The following ACVR1C variants were observed in gnomAD, a reference collection of about 807,000 sequenced individuals.
The protein encoded by ACVR1C is activin receptor type-1C.
Under a neutral mutation model 57.9 loss-of-function variants are expected in ACVR1C, and 23 were observed. The ratio of observed to expected loss-of-function variants is 0.40; its 90% confidence interval spans 0.29 to 0.56. ACVR1C has a LOEUF of 0.56. ACVR1C is among the 20% of genes least tolerant of loss of function. The pLI is 0.50. For synonymous variants in ACVR1C, 214 were observed against 215.3 expected (o/e 0.99, Z 0.05); for missense variants, 480 against 607.9 (o/e 0.79, Z 2.21).
At chr2:157,581,864 A>G (rs140188360) in intron 2 of ACVR1C, among the ~76,000 whole-genome samples, 1 of 152,222 alleles carries the variant, frequency 6.6e-6, no homozygotes, top group Non-Finnish European at 1.5e-5. Flanking sequence ...GTACATTTCT[A>G]TATTTCCTGT....
intron 1 of ACVR1C, among the ~76,000 whole-genome samples, chr2:157,617,362 G>A (rs1048715165): frequency 3.3e-5 from 5 of 152,022 alleles, no homozygotes; most frequent in African/African-American, 1.2e-4. Flanking sequence ...CTCTCAGTAA[G>A]AAATATAGAT....
At chr2:157,592,658 T>A (rs759274381) in intron 1 of ACVR1C, among the ~76,000 whole-genome samples, 1 of 152,096 alleles carries the variant, frequency 6.6e-6, no homozygotes, top group Non-Finnish European at 1.5e-5. Flanking sequence ...ACCAGTCCAC[T>A]ATATCACTGC....
At position 157,554,205 on chromosome 2, in the gene ACVR1C, A is replaced by AG. The variant is rs1558974811; in HGVS notation, c.544+1887_544+1888insC. Among the ~76,000 whole-genome samples the AG allele has an allele frequency of 9.3e-4, 64 of 68,730 alleles. 2 individuals are homozygous for AG. The highest frequency in any genetic ancestry group is 5.6e-3 in the Middle Eastern group (1 of 180). 45.1% of individuals were successfully genotyped at this position (68,730 alleles called of 152,430 possible). A position where few individuals can be genotyped will look rare whatever the true frequency, so the allele number is the denominator to read the frequency against. On this transcript the variant is annotated intron_variant, in intron 3 of 8. Transcript: ENST00000243349. ...AAAAAAAAAAAATAAAGAAGAGAGA[A>AG]AGAAAGAAAGAAAGAAAGAAAGAAA... is the stretch of plus-strand genomic sequence containing the variant.
At chr2:157,600,045 T>C (rs758722762) in intron 1 of ACVR1C, among the ~76,000 whole-genome samples, 20 of 152,316 alleles carry the variant, frequency 1.3e-4, no homozygotes, top group South Asian at 4.1e-4. Context: ...GCAGAAGGCA[T>C]CAATGGCCAC....
At chr2:157,534,177 T>C in intron 8 of ACVR1C, 134 bp from the exon 9 acceptor site, 1 of 742,032 alleles carries the variant, frequency 1.3e-6, no homozygotes, top group Non-Finnish European at 1.9e-6. Flanking sequence ...TCTTGCTATG[T>C]TCCCCAGGCT....
At chr2:157,588,257 AC>A (rs1162059667) in intron 1 of ACVR1C, among the ~76,000 whole-genome samples, 81 of 151,976 alleles carry the variant, frequency 5.3e-4, no homozygotes, top group African/African-American at 1.9e-3. Context: ...ACACACACAC[AC>A]ACACACACAA....
Position 157,533,779 on chromosome 2 carries a change from A to T in ACVR1C, c.*139T>A. On this transcript the variant is annotated 3_prime_UTR_variant, in exon 9 of 9. Coordinates refer to ENST00000243349, the MANE Select transcript of ACVR1C (RefSeq NM_145259.3). ...TGCTTAACTTTAGAGTTATCTTTTC[A>T]TGCTGCCTTATGGGCACTTAAATAC... The T allele has an allele frequency of 1.4e-6, 1 of 723,206 alleles. No homozygotes were observed. Among genetic ancestry groups the T allele is most frequent in the Non-Finnish European group, 1.9e-6 (1 of 512,938 alleles). 44.8% of individuals were successfully genotyped at this position (723,206 alleles called of 1,614,324 possible). A position where few individuals can be genotyped will look rare whatever the true frequency, so the allele number is the denominator to read the frequency against.
intron 1 of ACVR1C, chr2:157,597,356 T>C (rs1682153748): frequency 1.0e-6 from 1 of 985,480 alleles, no homozygotes; most frequent in South Asian, 4.7e-5. Context: ...GGAGCTCCCC[T>C]TGCCTGGACT....
intron 1 of ACVR1C, among the ~76,000 whole-genome samples, chr2:157,603,662 C>G (rs973174861): frequency 6.6e-6 from 1 of 152,070 alleles, no homozygotes; most frequent in African/African-American, 2.4e-5. Context: ...TCCCTGACTG[C>G]AATTTCCTTT....
intron 2 of ACVR1C, among the ~76,000 whole-genome samples, chr2:157,562,548 A>G (rs1688267235): frequency 6.6e-6 from 1 of 151,600 alleles, no homozygotes; most frequent in African/African-American, 2.4e-5. Flanking sequence ...ACGTACAGAG[A>G]GGAGCTGGTA....
At chr2:157,618,320 G>T (rs1308789840) in intron 1 of ACVR1C, among the ~76,000 whole-genome samples, 3 of 151,462 alleles carry the variant, frequency 2.0e-5, no homozygotes, top group African/African-American at 7.3e-5. Flanking sequence ...GCATAGCTTA[G>T]AAACTAATAG....
At chr2:157,549,411 C>G (rs1419905106) in intron 4 of ACVR1C, among the ~76,000 whole-genome samples, 2 of 152,084 alleles carry the variant, frequency 1.3e-5, no homozygotes, top group Non-Finnish European at 2.9e-5. Context: ...GCCCTAGACA[C>G]CCTGATGCCT....
At chr2:157,600,887 G>A (rs1414206863) in intron 1 of ACVR1C, among the ~76,000 whole-genome samples, 4 of 152,126 alleles carry the variant, frequency 2.6e-5, no homozygotes, top group African/African-American at 9.7e-5. Flanking sequence ...CATAAAAAGG[G>A]CGCATCACCT....
chr2:157,580,955 G>GA (rs1212898643), intron 2 of ACVR1C, among the ~76,000 whole-genome samples: 5 of 151,990 alleles, frequency 3.3e-5, no homozygotes, highest in African/African-American at 1.2e-4. Context: ...GGGTAAAGCA[G>GA]AAAAAAGACA....
intron 1 of ACVR1C, among the ~76,000 whole-genome samples, chr2:157,626,841 A>G (rs999337872): frequency 1.3e-5 from 2 of 152,244 alleles, no homozygotes; most frequent in African/African-American, 4.8e-5. Flanking sequence ...GTTTTTCATA[A>G]AAGTTCAGCT....
chr2:157,625,828 G>A (rs182091256), intron 1 of ACVR1C, among the ~76,000 whole-genome samples: 250 of 152,262 alleles, frequency 1.6e-3, no homozygotes, highest in Non-Finnish European at 2.7e-3. Flanking sequence ...CTTCAAAGTA[G>A]AGAACTCCAG....
intron 1 of ACVR1C, among the ~76,000 whole-genome samples, chr2:157,621,900 A>G (rs1160864260): frequency 6.6e-6 from 1 of 152,186 alleles, no homozygotes; most frequent in African/African-American, 2.4e-5. Flanking sequence ...TGTTGAAAAG[A>G]AGAGCGTATT....
At chr2:157,625,706 C>G in intron 1 of ACVR1C, among the ~76,000 whole-genome samples, 1 of 152,128 alleles carries the variant, frequency 6.6e-6, no homozygotes, top group South Asian at 2.1e-4. Flanking sequence ...GGAGTAACAA[C>G]ATAGGGCTTT....
intron 1 of ACVR1C, among the ~76,000 whole-genome samples, chr2:157,601,315 AAAAAATAAAAAT>A (rs1254851513): frequency 2.6e-5 from 4 of 152,050 alleles, no homozygotes; most frequent in Non-Finnish European, 5.9e-5. Flanking sequence ...AGACAGTCTC[AAAAAATAAAAAT>A]AAAAATAAAA....
Sources: allele counts gnomAD v4.1 joint callset (sites outside exome capture counted in the v4.1 genomes callset), GRCh38; gene constraint gnomAD v4.1.1; transcripts MANE v1.5; gene names NCBI Gene and HGNC (gene_info 2026-07-23, HGNC 2026-07-21).